The following GPHN variants were observed in gnomAD, a reference collection of about 807,000 sequenced individuals.
The protein encoded by GPHN is gephyrin.
Under a neutral mutation model 95.5 loss-of-function variants are expected in GPHN, and 17 were observed. That is an observed-to-expected ratio of 0.18 (90% confidence interval 0.12 to 0.27). The LOEUF (loss-of-function observed/expected upper bound fraction) is 0.27, where lower values mean the gene tolerates loss of function less well. Among genes scored for constraint, GPHN ranks in the 10% least tolerant of loss-of-function variants. The pLI is 1.00. For synonymous variants in GPHN, 320 were observed against 322.5 expected, an observed-to-expected ratio of 0.99 and a Z score of 0.08; for missense variants, 660 against 978.1, an observed-to-expected ratio of 0.67 and a Z score of 4.34.
At chr14:67,611,702 C>T in the GPHN span, among the ~76,000 whole-genome samples, 5 of 152,218 alleles carry the variant, frequency 3.3e-5, no homozygotes, top group Non-Finnish European at 7.3e-5. Flanking sequence ...AGAGCTCTTG[C>T]TCTAAAGCAA....
At position 66,917,586 on chromosome 14, in the gene GPHN, G is replaced by C. The variant is rs1216636384; in HGVS notation, c.456+1517G>C. 2.0e-5 allele frequency among the ~76,000 whole-genome samples: 3 copies of C among 152,122 alleles called. No homozygotes were observed. In the South Asian group the frequency reaches 6.2e-4, roughly 32 times the overall value. ...AAGGTTTGGCCACTGTGCTGATTCA[G>C]ATTGCCGTTGGTAATACTAGTTTAG... On this transcript the variant is annotated intron_variant, in intron 6 of 22. Transcript: ENST00000478722.
At chr14:67,336,877 T>C in the GPHN span, 2 of 424,870 alleles carry the variant, frequency 4.7e-6, no homozygotes, top group African/African-American at 4.1e-5. Context: ...TTCCTAAATA[T>C]CAGCTTCTCC....
the GPHN span, chr14:67,583,986 C>T: frequency 6.2e-7 from 1 of 1,613,954 alleles, no homozygotes; most frequent in Admixed American, 1.7e-5. Context: ...CTCCATCTGC[C>T]CACACCAGGC....
At chr14:67,077,951 C>A (rs117310440) in intron 11 of GPHN, among the ~76,000 whole-genome samples, 1 of 152,190 alleles carries the variant, frequency 6.6e-6, no homozygotes, top group East Asian at 1.9e-4. Flanking sequence ...CATAGCCTTG[C>A]CTTTAAGATT....
At chr14:67,561,367 A>G in the GPHN span, among the ~76,000 whole-genome samples, 2 of 152,204 alleles carry the variant, frequency 1.3e-5, no homozygotes, top group African/African-American at 4.8e-5. Context: ...CCTGGCCAAC[A>G]TGGCAAATCT....
At chr14:66,599,230 C>A (rs985252435) in intron 1 of GPHN, among the ~76,000 whole-genome samples, 1 of 151,890 alleles carries the variant, frequency 6.6e-6, no homozygotes, top group Non-Finnish European at 1.5e-5. Flanking sequence ...AGGAAACACG[C>A]ATTTTTGGAG....
At chr14:67,284,803 T>C in the GPHN span, among the ~76,000 whole-genome samples, 1 of 152,152 alleles carries the variant, frequency 6.6e-6, no homozygotes, top group Non-Finnish European at 1.5e-5. Context: ...GGTTCATCCA[T>C]ATTGTAGCAT....
chr14:67,526,566 A>C, the GPHN span, among the ~76,000 whole-genome samples: 2 of 152,184 alleles, frequency 1.3e-5, no homozygotes, highest in Admixed American at 6.5e-5. Context: ...ACGACGCAAA[A>C]TTGAACAGGA....
chr14:67,637,059 G>T, the GPHN span, among the ~76,000 whole-genome samples: 1 of 152,110 alleles, frequency 6.6e-6, no homozygotes, highest in East Asian at 1.9e-4. Context: ...AAAAATTAGT[G>T]AGACCGTTTC....
the GPHN span, among the ~76,000 whole-genome samples, chr14:67,605,705 C>T: frequency 6.6e-6 from 1 of 151,736 alleles, no homozygotes; most frequent in South Asian, 2.1e-4. Context: ...TTTTTTTATA[C>T]ATAGTCTCGC....
chr14:67,030,437 G>A lies in GPHN; in HGVS notation c.1006+6762G>A, dbSNP rs115626581. Among the ~76,000 whole-genome samples the A allele has an allele frequency of 4.0e-3, 603 of 151,938 alleles. 7 individuals are homozygous for A. Among genetic ancestry groups the A allele is most frequent in the African/African-American group, 0.014 (564 of 41,456 alleles). ...GGCTCCTTATTATTCTTGTGTAAAG[G>A]CCCAACTCCTTAAAATTGCTTACTA... is the stretch of plus-strand genomic sequence containing the variant. On this transcript the variant is annotated intron_variant, in intron 10 of 22. Transcript: ENST00000478722.
At chr14:67,343,308 C>T in the GPHN span, 1 of 1,258,458 alleles carries the variant, frequency 7.9e-7, no homozygotes, top group South Asian at 1.3e-5. Context: ...TGAATTCTAG[C>T]AGTTTCACGA....
At chr14:67,379,644 TTTTC>T in the GPHN span, among the ~76,000 whole-genome samples, 26 of 140,602 alleles carry the variant, frequency 1.8e-4, no homozygotes, top group East Asian at 4.8e-4. Context: ...AACTTTCTTT[TTTTC>T]TTTTTCTTTT....
chr14:66,590,654 A>T (rs2061601539), intron 1 of GPHN, among the ~76,000 whole-genome samples: 1 of 152,212 alleles, frequency 6.6e-6, no homozygotes, highest in African/African-American at 2.4e-5. Context: ...AAATTGAGGC[A>T]GTAATTAATA....
chr14:66,945,541 AT>A (rs1216214120), intron 8 of GPHN, among the ~76,000 whole-genome samples: 8 of 152,330 alleles, frequency 5.3e-5, no homozygotes, highest in Admixed American at 2.6e-4. Flanking sequence ...TGCTCAGGTG[AT>A]GGGTACACCG....
At chr14:67,658,360 C>T in the GPHN span, among the ~76,000 whole-genome samples, 2 of 151,954 alleles carry the variant, frequency 1.3e-5, no homozygotes, top group East Asian at 3.9e-4. Flanking sequence ...TTTGGGAGGC[C>T]GAGACGGGTG....
At chr14:66,950,518 CT>C (rs1394568465) in intron 8 of GPHN, among the ~76,000 whole-genome samples, 2 of 152,094 alleles carry the variant, frequency 1.3e-5, no homozygotes, top group African/African-American at 4.8e-5. Flanking sequence ...TGCTCTATTC[CT>C]TCTATCTCAA....
chr14:67,543,904 G>A, the GPHN span, among the ~76,000 whole-genome samples: 1 of 152,102 alleles, frequency 6.6e-6, no homozygotes, highest in Non-Finnish European at 1.5e-5. Context: ...AATGAAGAGG[G>A]GATAGCCACA....
At chr14:67,505,460 C>T in the GPHN span, among the ~76,000 whole-genome samples, 10 of 152,176 alleles carry the variant, frequency 6.6e-5, no homozygotes, top group South Asian at 1.9e-3. Context: ...GTTGGAGGAG[C>T]CAAGGGAGAC....
Sources: gnomAD v4.1 joint callset for allele counts (sites outside exome capture counted in the v4.1 genomes callset) on GRCh38, gnomAD v4.1.1 for gene constraint, MANE v1.5 for transcripts, NCBI Gene and HGNC (gene_info 2026-07-23, HGNC 2026-07-21) for gene names.